The following ST6GALNAC5 variants were observed in gnomAD, a reference collection of about 807,000 sequenced individuals.
ST6GALNAC5 encodes alpha-N-acetylgalactosaminide alpha-2,6-sialyltransferase 5.
In ST6GALNAC5, 27 loss-of-function variants were observed where a neutral mutation model predicts 33.6. The ratio of observed to expected loss-of-function variants is 0.80; its 90% CI spans 0.59 to 1.11. The LOEUF (loss-of-function observed/expected upper bound fraction) is 1.11. Ranked by LOEUF, ST6GALNAC5 falls within the 50% of genes least tolerant of loss-of-function variation. ST6GALNAC5 has a pLI of 0.00. For missense variants in ST6GALNAC5, 428 were observed against 454.0 expected (o/e 0.94, Z 0.52); for synonymous variants, 194 against 171.2 (o/e 1.13, Z -1.04).
chr1:77,061,883 G>C lies in ST6GALNAC5; in HGVS notation c.780-1092G>C, dbSNP rs576458750. Among the ~76,000 whole-genome samples the C allele has an allele frequency of 1.3e-3, 202 of 152,238 alleles. 1 individual carries two copies. Among genetic ancestry groups the C allele is most frequent in the Non-Finnish European group, 2.2e-3 (153 of 68,004 alleles). ...GAGATATAGAGGCAGAAAAACACTC[G>C]GAGACTCTCAGGCCACCAAACAAGG... On this transcript the variant is annotated intron_variant, in intron 4 of 4. Transcript: ENST00000477717.
intron 2 of ST6GALNAC5, among the ~76,000 whole-genome samples, chr1:76,899,057 C>G (rs537119086): frequency 2.4e-4 from 37 of 152,154 alleles, no homozygotes; most frequent in African/African-American, 8.7e-4. Context: ...TATTTTATGA[C>G]AAAAATTATT....
intron 2 of ST6GALNAC5, among the ~76,000 whole-genome samples, chr1:76,924,110 T>C (rs1557724747): frequency 6.6e-6 from 1 of 152,204 alleles, no homozygotes; most frequent in Admixed American, 6.5e-5. Context: ...TGCATCTATG[T>C]AAGTTGAGGG....
chr1:76,868,851 A>C lies in ST6GALNAC5; in HGVS notation c.261+109A>C, dbSNP rs1056652506. ...GGCGCTGTGAGTAGGTGCCGTTCGA[A>C]GGCTGGAGGGGAGTGGACCCGCTGG... On this transcript the variant is annotated intron_variant, in intron 2 of 4. Transcript: ENST00000477717. This position sits in a 1 kb window ranked among gnomAD's most constrained non-coding sequence, Gnocchi z 4.3. 7.6e-5 allele frequency: 107 copies of C among 1,415,934 alleles called. No homozygotes were observed. The highest frequency in any genetic ancestry group is 9.1e-5 in the Non-Finnish European group (99 of 1,089,824). 87.7% of individuals were successfully genotyped at this position (1,415,934 alleles called of 1,614,324 possible).
intron 4 of ST6GALNAC5, among the ~76,000 whole-genome samples, chr1:77,052,280 T>C (rs1197908509): frequency 1.3e-5 from 2 of 152,134 alleles, no homozygotes; most frequent in Non-Finnish European, 2.9e-5. Context: ...ATAAAGCCTG[T>C]TAAAGGAAGG....
intron 3 of ST6GALNAC5, among the ~76,000 whole-genome samples, chr1:77,047,709 TTAGA>T (rs894134923): frequency 5.3e-5 from 8 of 152,200 alleles, no homozygotes; most frequent in Non-Finnish European, 1.0e-4. Flanking sequence ...ATTATAGTAA[TTAGA>T]TAAAGGAAGC....
At position 76,868,392 on chromosome 1, in the gene ST6GALNAC5, A is replaced by G; in HGVS notation, c.16-105A>G. ...CGGGGCTGGGGCCCAGGCCGCCCCA[A>G]ATCTCCCCCACTAGAGTGACCACCG... On this transcript the variant is annotated intron_variant, in intron 1 of 4. Transcript: ENST00000477717. This position sits in a 1 kb window ranked among gnomAD's most constrained non-coding sequence, Gnocchi z 4.3. 1.4e-6 allele frequency: 2 copies of G among 1,452,822 alleles called. No homozygotes were observed. The highest frequency in any genetic ancestry group is 1.8e-6 in the Non-Finnish European group (2 of 1,099,272). 90.0% of individuals were successfully genotyped at this position (1,452,822 alleles called of 1,614,324 possible).
At chr1:76,939,073 G>A (rs1647263784) in intron 2 of ST6GALNAC5, among the ~76,000 whole-genome samples, 2 of 152,012 alleles carry the variant, frequency 1.3e-5, no homozygotes, top group Admixed American at 6.6e-5. Flanking sequence ...GGAGGTGGCT[G>A]CAGTCTGGGT....
At chr1:76,883,706 A>G (rs1653834731) in intron 2 of ST6GALNAC5, among the ~76,000 whole-genome samples, 2 of 152,214 alleles carry the variant, frequency 1.3e-5, no homozygotes, top group African/African-American at 4.8e-5. Flanking sequence ...TTGGCATGTC[A>G]TAACTTCTAG....
chr1:76,886,179 T>C (rs1022028375), intron 2 of ST6GALNAC5, among the ~76,000 whole-genome samples: 2 of 152,258 alleles, frequency 1.3e-5, no homozygotes, highest in Non-Finnish European at 2.9e-5. Context: ...TGCACAGTTA[T>C]AATTATCACA....
chr1:76,932,213 C>A (rs968324479), intron 2 of ST6GALNAC5, among the ~76,000 whole-genome samples: 2 of 152,028 alleles, frequency 1.3e-5, no homozygotes, highest in African/African-American at 4.8e-5. Flanking sequence ...GACAAGTTAC[C>A]AGAAGAGGTT....
chr1:77,058,871 A>G lies in ST6GALNAC5; in HGVS notation c.780-4104A>G, dbSNP rs576349684. 3.9e-5 allele frequency among the ~76,000 whole-genome samples: 6 copies of G among 152,286 alleles called. No individual in the cohort carries two copies. The South Asian group carries it at 1.0e-3, about 26-fold the overall frequency. On this transcript the variant is annotated intron_variant, in intron 4 of 4. Coordinates refer to ENST00000477717, the MANE Select transcript of ST6GALNAC5 (RefSeq NM_030965.3). ...CTGGGTATCAGATGCTCCCTATCAAATGGGAGCTGCAATACTTGCCTCAGA... is the reference window on the plus strand; with the variant it reads ...CTGGGTATCAGATGCTCCCTATCAAGTGGGAGCTGCAATACTTGCCTCAGA...
At chr1:77,029,752 C>G (rs1000902842) in intron 2 of ST6GALNAC5, among the ~76,000 whole-genome samples, 3 of 152,202 alleles carry the variant, frequency 2.0e-5, no homozygotes, top group Admixed American at 6.5e-5. Flanking sequence ...CATTTTGAAG[C>G]CTGGTTGAGA....
At chr1:77,019,372 A>G (rs1229349585) in intron 2 of ST6GALNAC5, among the ~76,000 whole-genome samples, 2 of 152,222 alleles carry the variant, frequency 1.3e-5, no homozygotes, top group African/African-American at 4.8e-5. Flanking sequence ...AAAGCCCTTC[A>G]GTGCCAGATT....
chr1:76,944,513 CA>C (rs1179323171), intron 2 of ST6GALNAC5, among the ~76,000 whole-genome samples: 4 of 151,988 alleles, frequency 2.6e-5, no homozygotes, highest in African/African-American at 9.7e-5. Flanking sequence ...TCTCCCCCAA[CA>C]AGTATGTAAG....
chr1:76,930,502 T>C (rs1647129536), intron 2 of ST6GALNAC5, among the ~76,000 whole-genome samples: 1 of 152,120 alleles, frequency 6.6e-6, no homozygotes, highest in Admixed American at 6.6e-5. Context: ...TTTAATTTCC[T>C]TCTCCTCACT....
chr1:76,995,401 A>C (rs967028178), intron 2 of ST6GALNAC5: 1 of 152,264 alleles, frequency 6.6e-6, no homozygotes, highest in Non-Finnish European at 1.5e-5. Context: ...GTGTCTCTTT[A>C]AATATTAGGA....
At chr1:76,869,552 A>G (rs201450054) in intron 2 of ST6GALNAC5, among the ~76,000 whole-genome samples, 4 of 152,254 alleles carry the variant, frequency 2.6e-5, no homozygotes, top group Non-Finnish European at 4.4e-5. Context: ...TTATTAAAAC[A>G]CAATTCCACT....
chr1:76,931,880 A>G (rs148347919), intron 2 of ST6GALNAC5, among the ~76,000 whole-genome samples: 118 of 152,266 alleles, frequency 7.7e-4, no homozygotes, highest in African/African-American at 2.8e-3. Flanking sequence ...ATCATGCAGA[A>G]AAAGAATCAG....
At chr1:76,944,957 A>G (rs1647464158) in intron 2 of ST6GALNAC5, among the ~76,000 whole-genome samples, 1 of 152,280 alleles carries the variant, frequency 6.6e-6, no homozygotes, top group African/African-American at 2.4e-5. Flanking sequence ...TTGGAGGCTC[A>G]GGACAGACCA....
Sources: gnomAD v4.1 joint callset for allele counts (sites outside exome capture counted in the v4.1 genomes callset) on GRCh38, gnomAD v4.1.1 for gene constraint, Gnocchi (gnomAD v3.1) non-coding constraint, MANE v1.5 for transcripts, NCBI Gene and HGNC (gene_info 2026-07-23, HGNC 2026-07-21) for gene names.